The following MKLN1 variants were observed in gnomAD, a reference collection of about 807,000 sequenced individuals.
MKLN1 encodes the protein muskelin 1.
A neutral mutation model predicts 99.0 loss-of-function variants in MKLN1; 18 were observed. The ratio of observed to expected loss-of-function variants is 0.18; its 90% CI spans 0.13 to 0.27. The LOEUF is 0.27. Ranked by LOEUF, MKLN1 falls within the 10% of genes least tolerant of loss-of-function variation. MKLN1 has a pLI of 1.00. For missense variants in MKLN1, 621 were observed against 875.9 expected, an observed-to-expected ratio of 0.71 and a Z score of 3.67; for synonymous variants, 288 against 293.2, an observed-to-expected ratio of 0.98 and a Z score of 0.18.
rs142934531 is a variant in MKLN1, at chr7:131,229,514, T to C, written c.-179+26540T>C. ...TATCACAGCCCTCTGAGAGAATAGA[T>C]GGTCAATGTCTCTTTTCAGACATGT... On this transcript the variant is annotated intron_variant, in intron 3 of 7. Transcript: ENST00000416992. Among the ~76,000 whole-genome samples the C allele has an allele frequency of 2.0e-5, 3 of 148,168 alleles. No homozygotes were observed. In the South Asian group the frequency reaches 6.5e-4, roughly 32 times the overall value.
intron 2 of MKLN1, among the ~76,000 whole-genome samples, chr7:131,145,265 A>G (rs899783356): frequency 6.6e-6 from 1 of 152,172 alleles, no homozygotes; most frequent in African/African-American, 2.4e-5. Flanking sequence ...GTACCAATAT[A>G]AAGTACTCAA....
At chr7:131,378,296 G>A (rs945875513) in intron 2 of MKLN1, among the ~76,000 whole-genome samples, 2 of 152,126 alleles carry the variant, frequency 1.3e-5, no homozygotes, top group African/African-American at 4.8e-5. Flanking sequence ...ATTTTTAGTA[G>A]ATACTGGGTT....
rs1276052909 is a variant in MKLN1, at chr7:131,227,493, T to TCC, written c.-179+24519_-179+24520insCC. ...TTTCTTTCTCTCTTTCTCTCTTTCTTTCTCTTTCTTTCTTTCTTTCTTTCT... is the reference window on the plus strand; with the variant it reads ...TTTCTTTCTCTCTTTCTCTCTTTCTTCCTCTCTTTCTTTCTTTCTTTCTTTCT... On this transcript the variant is annotated intron_variant, in intron 3 of 7. Coordinates refer to the MKLN1 transcript ENST00000416992. 6.7e-5 allele frequency among the ~76,000 whole-genome samples: 5 copies of TCC among 74,830 alleles called. No individual in the cohort carries two copies. In the East Asian group the frequency reaches 1.9e-3, roughly 29 times the overall value. The allele number at this position is 74,830 out of a possible 152,430, so 49.1% of individuals were successfully genotyped here.
At chr7:131,132,508 G>C (rs933040108) in intron 1 of MKLN1, among the ~76,000 whole-genome samples, 9 of 152,204 alleles carry the variant, frequency 5.9e-5, no homozygotes, top group Non-Finnish European at 7.3e-5. Flanking sequence ...GAAAGCCCCA[G>C]AGGTGGCTGG....
intron 1 of MKLN1, among the ~76,000 whole-genome samples, chr7:131,352,364 G>C (rs1383264347): frequency 6.6e-6 from 1 of 152,136 alleles, no homozygotes; most frequent in African/African-American, 2.4e-5. Flanking sequence ...GGAAAATGGA[G>C]ATACTTAATG....
At chr7:131,168,888 G>C (rs983618923) in intron 2 of MKLN1, among the ~76,000 whole-genome samples, 8 of 138,734 alleles carry the variant, frequency 5.8e-5, no homozygotes, top group African/African-American at 2.2e-4. Context: ...TTTTTTTTGA[G>C]ATAGCATCTA....
intron 3 of MKLN1, among the ~76,000 whole-genome samples, chr7:131,264,497 T>C (rs62472001): frequency 0.034 from 5,198 of 152,286 alleles, 108 homozygotes; most frequent in Middle Eastern, 0.051. Flanking sequence ...TTTGAATAGT[T>C]TCATTTTCAA....
intron 9 of MKLN1, among the ~76,000 whole-genome samples, chr7:131,434,720 A>C (rs962639894): frequency 6.6e-6 from 1 of 152,064 alleles, no homozygotes; most frequent in African/African-American, 2.4e-5. Context: ...TGCCCAGCTA[A>C]TTTTTAAATT....
chr7:131,221,553 C>T lies in MKLN1; in HGVS notation c.-179+18579C>T, dbSNP rs188772267. On this transcript the variant is annotated intron_variant, in intron 3 of 7. Transcript: ENST00000416992. ...GACCGAAGTCTGGCTCCATCACCCA[C>T]GCTGGAGGGCAGTGGCATGATTTAG... Among the ~76,000 whole-genome samples, 174 of 149,486 alleles carry T rather than the reference C, an allele frequency of 1.2e-3. 1 individual carries two copies. Among genetic ancestry groups the T allele is most frequent in the African/African-American group, 4.1e-3 (166 of 40,516 alleles).
chr7:131,495,676 C>T lies in MKLN1; in HGVS notation c.*7948C>T, dbSNP rs1329434994. The T allele has an allele frequency of 2.0e-5, 3 of 152,162 alleles. No individual in the cohort carries two copies. Among genetic ancestry groups the T allele is most frequent in the Non-Finnish European group, 2.9e-5 (2 of 68,032 alleles). The allele number at this position is 152,162 out of a possible 1,614,324, so 9.4% of individuals were successfully genotyped here. ...CAGGCTGGAAGCATATGTCCCCCCACCCTTATTTATATTCCTTTGAGCATT... is the reference window on the plus strand; with the variant it reads ...CAGGCTGGAAGCATATGTCCCCCCATCCTTATTTATATTCCTTTGAGCATT... On this transcript the variant is annotated 3_prime_UTR_variant, in exon 18 of 18. Transcript: ENST00000352689.
intron 1 of MKLN1, among the ~76,000 whole-genome samples, chr7:131,129,881 A>G (rs1795522729): frequency 6.6e-6 from 1 of 152,154 alleles, no homozygotes; most frequent in African/African-American, 2.4e-5. Flanking sequence ...CAGCTAGGTC[A>G]TTTATTTTTA....
chr7:131,231,078 C>T (rs1190402386), intron 3 of MKLN1, among the ~76,000 whole-genome samples: 2 of 135,240 alleles, frequency 1.5e-5, no homozygotes, highest in Admixed American at 1.6e-4. Flanking sequence ...GGAGATCGTA[C>T]CACTGCACTC....
chr7:131,202,276 CG>C (rs1197703063), intron 2 of MKLN1, among the ~76,000 whole-genome samples: 3 of 147,800 alleles, frequency 2.0e-5, no homozygotes, highest in Non-Finnish European at 4.4e-5. Flanking sequence ...TCACCATGCC[CG>C]GCTAATTTTT....
intron 2 of MKLN1, among the ~76,000 whole-genome samples, chr7:131,384,630 A>C (rs1793953256): frequency 6.6e-6 from 1 of 152,184 alleles, no homozygotes; most frequent in African/African-American, 2.4e-5. Flanking sequence ...TTGTTATGGA[A>C]ACCCAAGGAA....
At chr7:131,222,983 A>G (rs1431931102) in intron 3 of MKLN1, among the ~76,000 whole-genome samples, 4 of 152,126 alleles carry the variant, frequency 2.6e-5, no homozygotes, top group Non-Finnish European at 5.9e-5. Flanking sequence ...TGGAGGTTGC[A>G]GAGATCACGC....
intron 1 of MKLN1, among the ~76,000 whole-genome samples, chr7:131,138,989 G>A (rs1189529268): frequency 1.3e-5 from 2 of 152,088 alleles, no homozygotes; most frequent in Admixed American, 6.5e-5. Flanking sequence ...CCAGGCCTTC[G>A]CTTCCACTCC....
At position 131,447,358 on chromosome 7, in the gene MKLN1, A is replaced by G. The variant is rs181055599; in HGVS notation, c.1525+1455A>G. Reference sequence around the variant, plus strand: ...GGAGAGTGTAGAGCTATATGATTTAATATTTGACTTTCTCTGGCTTTTAAG... The same window carrying G: ...GGAGAGTGTAGAGCTATATGATTTAGTATTTGACTTTCTCTGGCTTTTAAG... On this transcript the variant is annotated intron_variant, in intron 12 of 17. Coordinates refer to ENST00000352689, the MANE Select transcript of MKLN1 (RefSeq NM_013255.5). Among the ~76,000 whole-genome samples, 17 of 152,010 alleles carry G rather than the reference A, an allele frequency of 1.1e-4. No individual in the cohort carries two copies. In the East Asian group the frequency reaches 3.1e-3, roughly 28 times the overall value.
intron 1 of MKLN1, among the ~76,000 whole-genome samples, chr7:131,369,609 A>G (rs1206440842): frequency 1.3e-5 from 2 of 152,128 alleles, no homozygotes; most frequent in South Asian, 2.1e-4. Context: ...TGAATTCTTT[A>G]TTAGTCATAT....
intron 16 of MKLN1, among the ~76,000 whole-genome samples, chr7:131,476,162 TC>T (rs1302065446): frequency 3.9e-4 from 59 of 152,238 alleles, no homozygotes; most frequent in African/African-American, 1.3e-3. Context: ...GAATCTAAAT[TC>T]CTAAAGGACA....
Sources: allele counts gnomAD v4.1 joint callset (sites outside exome capture counted in the v4.1 genomes callset), GRCh38; gene constraint gnomAD v4.1.1; transcripts MANE v1.5; gene names NCBI Gene and HGNC (gene_info 2026-07-23, HGNC 2026-07-21).